MTTP: variants seen among roughly 807,000 people sequenced by gnomAD.
MTTP encodes microsomal triglyceride transfer protein.
In MTTP, 49 loss-of-function variants were observed where a neutral mutation model predicts 90.6. That is an observed-to-expected ratio of 0.54 (90% CI 0.43 to 0.69). The LOEUF (loss-of-function observed/expected upper bound fraction) is 0.69. MTTP is among the 30% of genes least tolerant of loss of function. The probability of loss-of-function intolerance (pLI) is 0.00; values close to 1 mark genes in which losing one functional copy is unlikely to be tolerated. For synonymous variants in MTTP, 347 were observed against 384.2 expected, an observed-to-expected ratio of 0.90 and a Z score of 1.13; for missense variants, 945 against 1,067.5, an observed-to-expected ratio of 0.89 and a Z score of 1.60.
intron 1 of MTTP, among the ~76,000 whole-genome samples, chr4:99,577,728 A>C (rs1725004438): frequency 6.6e-6 from 1 of 151,976 alleles, no homozygotes; most frequent in Non-Finnish European, 1.5e-5. Flanking sequence ...CATCTATATG[A>C]TTTGCTGTGT....
chr4:99,594,015 T>G (rs558506792), intron 6 of MTTP, among the ~76,000 whole-genome samples: 1 of 152,176 alleles, frequency 6.6e-6, no homozygotes, highest in African/African-American at 2.4e-5. Flanking sequence ...ATGTATCTGG[T>G]GCATGGGCTG....
At chr4:99,622,197 A>G (rs1356431458) in intron 17 of MTTP, among the ~76,000 whole-genome samples, 1 of 152,126 alleles carries the variant, frequency 6.6e-6, no homozygotes, top group Non-Finnish European at 1.5e-5. Flanking sequence ...CCAACCTTCT[A>G]ATGGTTGAAA....
chr4:99,574,299 A>G (rs746894562), upstream of MTTP, among the ~76,000 whole-genome samples: 2 of 152,240 alleles, frequency 1.3e-5, no homozygotes, highest in African/African-American at 2.4e-5. Flanking sequence ...TGAAAGTTCT[A>G]TCTACTTTAA....
At chr4:99,607,224 C>A (rs76819189) in intron 11 of MTTP, among the ~76,000 whole-genome samples, 1 of 151,976 alleles carries the variant, frequency 6.6e-6, no homozygotes, top group Non-Finnish European at 1.5e-5. Context: ...AATATATTTA[C>A]TTTTATAAGT....
chr4:99,584,696 C>G (rs1725214978), intron 3 of MTTP, among the ~76,000 whole-genome samples: 1 of 148,722 alleles, frequency 6.7e-6, no homozygotes, highest in Non-Finnish European at 1.5e-5. Flanking sequence ...CTGGAAATAA[C>G]CATCACTCTT....
At chr4:99,601,828 C>T in intron 10 of MTTP, 114 bp downstream of exon 10, 2 of 829,096 alleles carry the variant, frequency 2.4e-6, no homozygotes, top group Non-Finnish European at 4.1e-6. Context: ...TTCTACTTAC[C>T]TTATTTGCAT....
chr4:99,578,699 C>T (rs1010017251), intron 1 of MTTP, among the ~76,000 whole-genome samples: 2 of 152,174 alleles, frequency 1.3e-5, no homozygotes, highest in East Asian at 1.9e-4. Flanking sequence ...TACCTTCCTA[C>T]AAATGTTTCG....
At chr4:99,589,778 G>A (rs776526465) in intron 4 of MTTP, 28 bp downstream of exon 4, 6 of 1,346,192 alleles carry the variant, frequency 4.5e-6, no homozygotes, top group South Asian at 1.2e-5. Flanking sequence ...TAAGGATTCA[G>A]CATCTCAATA....
chr4:99,606,429 C>A (rs1725817936), intron 10 of MTTP, among the ~76,000 whole-genome samples: 1 of 152,160 alleles, frequency 6.6e-6, no homozygotes, highest in Admixed American at 6.5e-5. Context: ...AGTGAATGAG[C>A]AGTTTTTTGA....
At chr4:99,615,820 A>G (rs1726084721) in intron 15 of MTTP, among the ~76,000 whole-genome samples, 1 of 152,236 alleles carries the variant, frequency 6.6e-6, no homozygotes, top group South Asian at 2.1e-4. Flanking sequence ...AAGCAACAGG[A>G]TGAGTTGTCA....
In MTTP at chr4:99,623,429, AG is replaced by A. The variant is rs1220446580; in HGVS notation, c.*582del. 6.3e-6 allele frequency: 1 copy of A among 158,614 alleles called. No homozygotes were observed. Among genetic ancestry groups the A allele is most frequent in the Non-Finnish European group, 1.4e-5 (1 of 72,046 alleles). The allele number at this position is 158,614 out of a possible 1,614,324, so 9.8% of individuals were successfully genotyped here. A position where few individuals can be genotyped will look rare whatever the true frequency, so the allele number is the denominator to read the frequency against. On this transcript the variant is annotated 3_prime_UTR_variant, in exon 18 of 18. Coordinates refer to ENST00000265517, the MANE Select transcript of MTTP (RefSeq NM_001386140.1). Reference sequence around the variant, plus strand: ...TAATATTTATGTCTCTGTTATTGTTAGTTTTAAGCCTTAAGGTAGAAGGCAC... The same window carrying A: ...TAATATTTATGTCTCTGTTATTGTTATTTTAAGCCTTAAGGTAGAAGGCAC...
intron 5 of MTTP, 138 bp from the exon 6 acceptor site, chr4:99,591,513 A>G (rs1725419709): frequency 2.7e-6 from 3 of 1,120,424 alleles, no homozygotes; most frequent in African/African-American, 1.6e-5. Flanking sequence ...ACCCATTTCA[A>G]TTGTTGTAGG....
In MTTP at chr4:99,608,951, C is replaced by G; in HGVS notation, c.1743C>G (p.Asp581Glu). The G allele has an allele frequency of 6.2e-7, 1 of 1,614,140 alleles. No homozygotes were observed. Among genetic ancestry groups the G allele is most frequent in the South Asian group, 1.1e-5 (1 of 91,080 alleles). Residue 581 changes from aspartate (D) to glutamate (E), a missense_variant, in exon 12 of 18, where the codon GAC becomes GAG. Transcript: ENST00000265517. Reference sequence around the variant, plus strand: ...AATACATGCTCGCCATTGTTCAAGACATCCTACGTTTTGAAATGCCTGCAA... The same window carrying G: ...AATACATGCTCGCCATTGTTCAAGAGATCCTACGTTTTGAAATGCCTGCAA... ...MNKYMLAIVQ[D>E]ILRFEMPASK...
At chr4:99,596,461 A>C (rs1270063625) in intron 7 of MTTP, among the ~76,000 whole-genome samples, 3 of 152,180 alleles carry the variant, frequency 2.0e-5, no homozygotes, top group African/African-American at 7.2e-5. Flanking sequence ...CCGCAATAGA[A>C]TAACTTAGTG....
intron 8 of MTTP, among the ~76,000 whole-genome samples, chr4:99,600,356 TGAGA>T (rs1465299412): frequency 1.3e-5 from 2 of 152,016 alleles, no homozygotes; most frequent in East Asian, 3.8e-4. Context: ...ATTGTTTGAG[TGAGA>T]GAGAGGGGCG....
At chr4:99,602,598 A>C (rs1453033180) in intron 10 of MTTP, among the ~76,000 whole-genome samples, 1 of 152,164 alleles carries the variant, frequency 6.6e-6, no homozygotes, top group Non-Finnish European at 1.5e-5. Context: ...TAGAATATAC[A>C]TTAAGTATGA....
chr4:99,586,167 A>G (rs1239046386), intron 3 of MTTP, among the ~76,000 whole-genome samples: 1 of 152,170 alleles, frequency 6.6e-6, no homozygotes, highest in African/African-American at 2.4e-5. Context: ...AAGAGAGTCC[A>G]TTAAAATACT....
Position 99,591,169 on chromosome 4 carries a change from C to CT in MTTP, c.502-64dup. The CT allele has an allele frequency of 1.7e-6, 2 of 1,205,200 alleles. 1 individual carries two copies. Among genetic ancestry groups the CT allele is most frequent in the South Asian group, 2.4e-5 (2 of 82,698 alleles). 74.7% of individuals were successfully genotyped at this position (1,205,200 alleles called of 1,614,324 possible). A position where few individuals can be genotyped will look rare whatever the true frequency, so the allele number is the denominator to read the frequency against. The stretch of plus-strand genomic sequence containing the variant: ...ATTAGAGACCTCAATTTTCAAGCCA[C>CT]TTCTCACTAGAATTCAAATGGCCCA... On this transcript the variant is annotated intron_variant, in intron 4 of 17. Coordinates refer to ENST00000265517, the MANE Select transcript of MTTP (RefSeq NM_001386140.1).
At chr4:99,620,359 C>T (rs1385052290) in intron 16 of MTTP, among the ~76,000 whole-genome samples, 1 of 152,150 alleles carries the variant, frequency 6.6e-6, no homozygotes, top group Non-Finnish European at 1.5e-5. Context: ...AATTCAATTA[C>T]AGTAGAAGTA....
Sources: allele counts gnomAD v4.1 joint callset (sites outside exome capture counted in the v4.1 genomes callset), GRCh38; gene constraint gnomAD v4.1.1; transcripts MANE v1.5; gene names NCBI Gene and HGNC (gene_info 2026-07-23, HGNC 2026-07-21).